ARL6IP5: variants seen among roughly 807,000 people sequenced by gnomAD.
The protein encoded by ARL6IP5 is PRA1 family protein 3.
Under a neutral mutation model 13.0 loss-of-function variants are expected in ARL6IP5, and 6 were observed. The observed-to-expected ratio is 0.46, with a 90% confidence interval of 0.25 to 0.91. The LOEUF (loss-of-function observed/expected upper bound fraction) is 0.91. Among genes scored for constraint, ARL6IP5 ranks in the 40% least tolerant of loss-of-function variants. ARL6IP5 has a pLI of 0.17. For missense variants in ARL6IP5, 208 were observed against 248.8 expected, an observed-to-expected ratio of 0.84 and a Z score of 1.10; for synonymous variants, 91 against 91.9, an observed-to-expected ratio of 0.99 and a Z score of 0.06.
intron 1 of ARL6IP5, among the ~76,000 whole-genome samples, chr3:69,092,616 C>T (rs4855546): frequency 0.48 from 73,113 of 151,954 alleles, 17,757 homozygotes; most frequent in South Asian, 0.57. Context: ...ATTACAGGCA[C>T]GCACAACTAT....
At chr3:69,092,647 T>C (rs539034110) in intron 1 of ARL6IP5, among the ~76,000 whole-genome samples, 1 of 152,174 alleles carries the variant, frequency 6.6e-6, no homozygotes, top group Non-Finnish European at 1.5e-5. Flanking sequence ...TTTTTGTATT[T>C]TTAAGTGATT....
intron 1 of ARL6IP5, among the ~76,000 whole-genome samples, chr3:69,088,850 T>C (rs769083277): frequency 1.3e-5 from 2 of 152,240 alleles, no homozygotes; most frequent in African/African-American, 2.4e-5. Context: ...TCTACCTTGA[T>C]CTTCAAAGTG....
chr3:69,097,559 A>C (rs1178155463), intron 1 of ARL6IP5, among the ~76,000 whole-genome samples: 1 of 152,134 alleles, frequency 6.6e-6, no homozygotes, highest in Non-Finnish European at 1.5e-5. Flanking sequence ...CACTCTCTAC[A>C]ACCTGCTGAA....
chr3:69,104,225 G>A (rs1211741817), intron 2 of ARL6IP5, among the ~76,000 whole-genome samples: 2 of 152,104 alleles, frequency 1.3e-5, no homozygotes, highest in Admixed American at 1.3e-4. Context: ...TCCAGATAAT[G>A]GTCCTTCCTG....
chr3:69,092,919 A>T (rs1003070822), intron 1 of ARL6IP5, among the ~76,000 whole-genome samples: 2 of 152,022 alleles, frequency 1.3e-5, no homozygotes, highest in Non-Finnish European at 2.9e-5. Flanking sequence ...GGTTGTTAAG[A>T]GTAACCATGG....
intron 1 of ARL6IP5, among the ~76,000 whole-genome samples, chr3:69,091,254 C>T (rs2092264972): frequency 6.6e-6 from 1 of 151,982 alleles, no homozygotes; most frequent in African/African-American, 2.4e-5. Flanking sequence ...CATTAAATAA[C>T]CTCTGACAGT....
At chr3:69,094,728 T>A (rs139605863) in intron 1 of ARL6IP5, among the ~76,000 whole-genome samples, 1 of 152,344 alleles carries the variant, frequency 6.6e-6, no homozygotes, top group Non-Finnish European at 1.5e-5. Flanking sequence ...AATGTGGCCT[T>A]GAGTTGATCC....
At chr3:69,094,724 G>A (rs1309467315) in intron 1 of ARL6IP5, among the ~76,000 whole-genome samples, 1 of 152,184 alleles carries the variant, frequency 6.6e-6, no homozygotes, top group Non-Finnish European at 1.5e-5. Context: ...ACCAAATGTG[G>A]CCTTGAGTTG....
intron 1 of ARL6IP5, among the ~76,000 whole-genome samples, chr3:69,098,222 G>A (rs1459908899): frequency 1.4e-4 from 19 of 140,496 alleles, no homozygotes; most frequent in Non-Finnish European, 2.4e-4. Flanking sequence ...GACTACAGGT[G>A]CCTGCCACCA....
chr3:69,092,054 C>T (rs1366527943), intron 1 of ARL6IP5, among the ~76,000 whole-genome samples: 2 of 152,008 alleles, frequency 1.3e-5, no homozygotes, highest in Admixed American at 1.3e-4. Flanking sequence ...AGAATGCCTT[C>T]ACCCTTAATA....
chr3:69,090,645 C>T (rs1361506969), intron 1 of ARL6IP5, among the ~76,000 whole-genome samples: 1 of 152,162 alleles, frequency 6.6e-6, no homozygotes, highest in African/African-American at 2.4e-5. Context: ...ACTATCCTAA[C>T]CCACAGCTCA....
chr3:69,092,709 G>A (rs1388862290), intron 1 of ARL6IP5, among the ~76,000 whole-genome samples: 7 of 152,122 alleles, frequency 4.6e-5, no homozygotes, highest in Admixed American at 3.9e-4. Context: ...AAGTAGAGAC[G>A]GGGTTTCACC....
chr3:69,092,094 C>T (rs2107511568), intron 1 of ARL6IP5, among the ~76,000 whole-genome samples: 1 of 152,170 alleles, frequency 6.6e-6, no homozygotes, highest in South Asian at 2.1e-4. Flanking sequence ...ATGAGCGTGG[C>T]TTCCTGTTTC....
At chr3:69,095,019 A>G (rs2092282478) in intron 1 of ARL6IP5, among the ~76,000 whole-genome samples, 1 of 152,106 alleles carries the variant, frequency 6.6e-6, no homozygotes, top group East Asian at 1.9e-4. Flanking sequence ...GTGCAGAGGG[A>G]TTTTCCAGGA....
At chr3:69,087,293 G>C (rs543675016) in intron 1 of ARL6IP5, among the ~76,000 whole-genome samples, 2 of 152,238 alleles carry the variant, frequency 1.3e-5, no homozygotes, top group South Asian at 4.2e-4. Flanking sequence ...TTGCAGGCGG[G>C]GGCTACTGTG....
At position 69,105,692 on chromosome 3, in the gene ARL6IP5, A is replaced by G. The variant is rs2092320329; in HGVS notation, c.*1056A>G. 6.6e-6 allele frequency: 1 copy of G among 152,244 alleles called. No individual in the cohort carries two copies. Among genetic ancestry groups the G allele is most frequent in the Admixed American group, 6.5e-5 (1 of 15,286 alleles). 9.4% of individuals were successfully genotyped at this position (152,244 alleles called of 1,614,324 possible). A position where few individuals can be genotyped will look rare whatever the true frequency, so the allele number is the denominator to read the frequency against. ...GCAATTGTTACAACCATATGCCTTTATAGCTAGACATTAGAATTATGATAG... is the reference window on the plus strand; with the variant it reads ...GCAATTGTTACAACCATATGCCTTTGTAGCTAGACATTAGAATTATGATAG... On this transcript the variant is annotated 3_prime_UTR_variant, in exon 3 of 3. Coordinates refer to ENST00000273258, the MANE Select transcript of ARL6IP5 (RefSeq NM_006407.4).
At chr3:69,089,614 G>C (rs1366127104) in intron 1 of ARL6IP5, among the ~76,000 whole-genome samples, 1 of 149,528 alleles carries the variant, frequency 6.7e-6, no homozygotes, top group Non-Finnish European at 1.5e-5. Context: ...AGACTAGCCT[G>C]GGCAACATAG....
chr3:69,098,170 G>A (rs1240013395), intron 1 of ARL6IP5, among the ~76,000 whole-genome samples: 20 of 149,006 alleles, frequency 1.3e-4, no homozygotes, highest in African/African-American at 4.2e-4. Flanking sequence ...TCTGCCTCCC[G>A]GGTTCAAGTG....
In ARL6IP5 at chr3:69,085,281, G is replaced by A. The variant is rs2092244129; in HGVS notation, c.176+58G>A. 11 of 1,558,004 alleles carry A rather than the reference G, an allele frequency of 7.1e-6. No individual in the cohort carries two copies. The Admixed American group carries it at 2.0e-4, about 28-fold the overall frequency. ...CCGGGGCGAGCACGGAGGGGCCTCG[G>A]GGTGCAAGATCCCGGGATGTAGAGA... is the stretch of plus-strand genomic sequence containing the variant. On this transcript the variant is annotated intron_variant, in intron 1 of 2. Transcript: ENST00000273258.
Sources: allele counts gnomAD v4.1 joint callset (sites outside exome capture counted in the v4.1 genomes callset), GRCh38; gene constraint gnomAD v4.1.1; transcripts MANE v1.5; gene names NCBI Gene and HGNC (gene_info 2026-07-23, HGNC 2026-07-21).